SMOC2: variants seen among roughly 807,000 people sequenced by gnomAD.
The protein encoded by SMOC2 is SPARC-related modular calcium-binding protein 2.
In SMOC2, 39 loss-of-function variants were observed where a neutral mutation model predicts 61.4. The observed-to-expected ratio is 0.64, with a 90% CI of 0.49 to 0.83. The LOEUF (loss-of-function observed/expected upper bound fraction) is 0.83. Among genes scored for constraint, SMOC2 ranks in the 40% least tolerant of loss-of-function variants. The pLI is 0.00. For missense variants in SMOC2, 556 were observed against 592.9 expected (o/e 0.94, Z 0.65); for synonymous variants, 247 against 239.9 (o/e 1.03, Z -0.27).
chr6:168,528,666 G>T (rs1371867618), intron 4 of SMOC2, among the ~76,000 whole-genome samples: 2 of 152,220 alleles, frequency 1.3e-5, no homozygotes, highest in African/African-American at 4.8e-5. Flanking sequence ...GAGAATGAGG[G>T]TGTCCACAGT....
At chr6:168,496,868 A>C (rs1782602869) in intron 1 of SMOC2, among the ~76,000 whole-genome samples, 1 of 152,254 alleles carries the variant, frequency 6.6e-6, no homozygotes, top group Admixed American at 6.5e-5. Flanking sequence ...CGCATAGTGT[A>C]AACAAAGGCT....
intron 11 of SMOC2, among the ~76,000 whole-genome samples, 164 bp downstream of exon 11, chr6:168,653,392 T>C (rs544330857): frequency 2.0e-4 from 30 of 152,344 alleles, no homozygotes; most frequent in African/African-American, 7.0e-4. Context: ...ATAATAATGA[T>C]AATTGGCGAC....
chr6:168,489,734 G>T (rs1442757132), intron 1 of SMOC2, among the ~76,000 whole-genome samples: 1 of 151,976 alleles, frequency 6.6e-6, no homozygotes, highest in Non-Finnish European at 1.5e-5. Flanking sequence ...CACTGTTTTA[G>T]AATGAAATAT....
intron 2 of SMOC2, among the ~76,000 whole-genome samples, chr6:168,523,367 C>G (rs1783377687): frequency 6.7e-6 from 1 of 149,914 alleles, no homozygotes; most frequent in Non-Finnish European, 1.5e-5. Context: ...GGATTACAGG[C>G]GTGAGCCACC....
At chr6:168,518,718 C>T (rs1026786080) in intron 2 of SMOC2, among the ~76,000 whole-genome samples, 3 of 143,064 alleles carry the variant, frequency 2.1e-5, no homozygotes, top group Non-Finnish European at 4.5e-5. Flanking sequence ...GAGTGTTATG[C>T]TTATGTGAGT....
chr6:168,568,924 G>T (rs1270748591), intron 7 of SMOC2, among the ~76,000 whole-genome samples: 4 of 152,148 alleles, frequency 2.6e-5, no homozygotes, highest in Non-Finnish European at 5.9e-5. Context: ...TCCATTGTTT[G>T]GATGCACCAT....
At chr6:168,448,476 A>G (rs58970035) in intron 1 of SMOC2, among the ~76,000 whole-genome samples, 1 of 96,894 alleles carries the variant, frequency 1.0e-5, no homozygotes, top group African/African-American at 4.6e-5. Flanking sequence ...ATGGCAAGGA[A>G]GATGGGGATG....
At chr6:168,595,068 C>A (rs1785285105) in intron 7 of SMOC2, among the ~76,000 whole-genome samples, 1 of 112,340 alleles carries the variant, frequency 8.9e-6, no homozygotes. Context: ...GATGGCCGAG[C>A]TCCTCCTCCT....
intron 9 of SMOC2, among the ~76,000 whole-genome samples, chr6:168,621,374 G>A (rs1187420120): frequency 6.6e-6 from 1 of 152,142 alleles, no homozygotes; most frequent in African/African-American, 2.4e-5. Flanking sequence ...TTTTAAAAAC[G>A]TCTCCTAAGG....
chr6:168,502,516 A>G (rs2763228), intron 1 of SMOC2, among the ~76,000 whole-genome samples: 78,636 of 152,010 alleles, frequency 0.52, 20,978 homozygotes, highest in East Asian at 0.75. Flanking sequence ...AATTCATCTC[A>G]TTCAATTGTT....
intron 1 of SMOC2, among the ~76,000 whole-genome samples, chr6:168,464,565 A>ATT (rs35363708): frequency 0.015 from 2,257 of 149,726 alleles, 24 homozygotes; most frequent in Non-Finnish European, 0.021. Context: ...TAGGATTTTC[A>ATT]TTTTTTTTTT....
chr6:168,570,688 T>C (rs1339712500), intron 7 of SMOC2, among the ~76,000 whole-genome samples: 1 of 152,214 alleles, frequency 6.6e-6, no homozygotes, highest in Non-Finnish European at 1.5e-5. Context: ...AGAGGGACGC[T>C]AAATACTTTT....
chr6:168,484,330 T>G (rs1782279871), intron 1 of SMOC2, among the ~76,000 whole-genome samples: 2 of 152,136 alleles, frequency 1.3e-5, no homozygotes, highest in South Asian at 4.2e-4. Flanking sequence ...ACTAAGGACA[T>G]GAAAACATGC....
chr6:168,527,532 C>A, intron 3 of SMOC2, 96 bp from the exon 4 acceptor site: 1 of 852,538 alleles, frequency 1.2e-6, no homozygotes. Flanking sequence ...AGGACCCTGT[C>A]TGAGCCACTG....
At chr6:168,467,132 C>T (rs1046118686) in intron 1 of SMOC2, among the ~76,000 whole-genome samples, 1 of 136,902 alleles carries the variant, frequency 7.3e-6, no homozygotes, top group Non-Finnish European at 1.6e-5. Context: ...AATCAGTGCT[C>T]TCAAACACAC....
chr6:168,497,102 C>T (rs925338854), intron 1 of SMOC2, among the ~76,000 whole-genome samples: 2 of 152,204 alleles, frequency 1.3e-5, no homozygotes, highest in Non-Finnish European at 2.9e-5. Flanking sequence ...CTGGGGCTGC[C>T]GTCCTGGGGA....
chr6:168,587,798 G>A (rs1785076884), intron 7 of SMOC2, among the ~76,000 whole-genome samples: 1 of 152,194 alleles, frequency 6.6e-6, no homozygotes, highest in Non-Finnish European at 1.5e-5. Context: ...AAACTGAGGG[G>A]CAGGTTTGCC....
At chr6:168,518,422 TGA>T (rs1783204346) in intron 2 of SMOC2, among the ~76,000 whole-genome samples, 2 of 148,820 alleles carry the variant, frequency 1.3e-5, no homozygotes, top group Non-Finnish European at 3.0e-5. Context: ...AATGTGTGCA[TGA>T]GTGTGCATGT....
intron 1 of SMOC2, among the ~76,000 whole-genome samples, chr6:168,459,791 T>G (rs559855699): frequency 1.1e-5 from 1 of 88,266 alleles, no homozygotes; most frequent in African/African-American, 4.6e-5. Context: ...GTGAGCCCTC[T>G]GGTGGGTGAG....
Sources: allele counts gnomAD v4.1 joint callset (sites outside exome capture counted in the v4.1 genomes callset), GRCh38; gene constraint gnomAD v4.1.1; transcripts MANE v1.5; gene names NCBI Gene and HGNC (gene_info 2026-07-23, HGNC 2026-07-21).